Variants in ADCY5 observed in about 807,000 individuals in gnomAD.
ADCY5 encodes the protein adenylate cyclase type 5.
Under a neutral mutation model 119.7 loss-of-function variants are expected in ADCY5, and 30 were observed. That is an observed-to-expected ratio of 0.25 (90% CI 0.19 to 0.34). ADCY5 has a LOEUF of 0.34. ADCY5 is among the 10% of genes least tolerant of loss of function. The probability of loss-of-function intolerance (pLI) is 1.00; values close to 1 mark genes in which losing one functional copy is unlikely to be tolerated. For missense variants in ADCY5, 1,324 were observed against 1,775.2 expected (o/e 0.75, Z 4.57); for synonymous variants, 753 against 762.2 (o/e 0.99, Z 0.20).
At chr3:123,412,914 C>T (rs1444919739) in intron 1 of ADCY5, among the ~76,000 whole-genome samples, 2 of 152,152 alleles carry the variant, frequency 1.3e-5, no homozygotes, top group South Asian at 2.1e-4. Flanking sequence ...CTGGTGACGG[C>T]GTCCCTCTCC....
At chr3:123,303,833 A>G (rs924864406) in intron 13 of ADCY5, among the ~76,000 whole-genome samples, 43 of 114,880 alleles carry the variant, frequency 3.7e-4, no homozygotes, top group Non-Finnish European at 8.0e-4. Flanking sequence ...TCAAAACTGG[A>G]AAGAAAAGAG....
chr3:123,340,740 C>T (rs1378345850), intron 3 of ADCY5, among the ~76,000 whole-genome samples: 1 of 152,170 alleles, frequency 6.6e-6, no homozygotes, highest in Non-Finnish European at 1.5e-5. Context: ...GGTGCAGCCC[C>T]TCTGGAAAAC....
intron 2 of ADCY5, among the ~76,000 whole-genome samples, chr3:123,349,340 G>A (rs1463039270): frequency 6.6e-6 from 1 of 152,158 alleles, no homozygotes; most frequent in Non-Finnish European, 1.5e-5. Flanking sequence ...CTCAGCCGCA[G>A]GACCTGTCCA....
At chr3:123,379,681 G>A (rs1325872359) in intron 1 of ADCY5, among the ~76,000 whole-genome samples, 4 of 151,934 alleles carry the variant, frequency 2.6e-5, no homozygotes, top group Non-Finnish European at 5.9e-5. Context: ...GAGCGGGGGT[G>A]GGTGTGTGGG....
At chr3:123,395,056 C>A (rs998115150) in intron 1 of ADCY5, among the ~76,000 whole-genome samples, 1 of 152,196 alleles carries the variant, frequency 6.6e-6, no homozygotes, top group Non-Finnish European at 1.5e-5. Flanking sequence ...ACAGTCCCCA[C>A]TTTTGGTGGG....
intron 1 of ADCY5, among the ~76,000 whole-genome samples, chr3:123,375,951 G>C (rs1943818024): frequency 7.0e-6 from 1 of 142,832 alleles, no homozygotes; most frequent in Admixed American, 7.2e-5. Context: ...AGCCTTTGGA[G>C]CATGGCGGGA....
chr3:123,393,508 G>A (rs1040424889), intron 1 of ADCY5, among the ~76,000 whole-genome samples: 15 of 151,946 alleles, frequency 9.9e-5, no homozygotes, highest in African/African-American at 3.6e-4. Context: ...AGTAAGCTAT[G>A]ACTGTGCCAC....
chr3:123,393,564 TTAAAATAAAA>T lies in ADCY5; in HGVS notation c.1135-40993_1135-40984del, dbSNP rs58733977. Among the ~76,000 whole-genome samples, 182 of 143,526 alleles carry T rather than the reference TTAAAATAAAA, an allele frequency of 1.3e-3. 1 individual carries two copies. Among genetic ancestry groups the T allele is most frequent in the Middle Eastern group, 3.4e-3 (1 of 292 alleles). 94.2% of individuals were successfully genotyped at this position (143,526 alleles called of 152,430 possible). A position where few individuals can be genotyped will look rare whatever the true frequency, so the allele number is the denominator to read the frequency against. On this transcript the variant is annotated intron_variant, in intron 1 of 20. Coordinates refer to ENST00000462833, the MANE Select transcript of ADCY5 (RefSeq NM_183357.3). Reference sequence around the variant, plus strand: ...AGAGTGAGACCCTGTTTCTAAAAAATTAAAATAAAATAAAATAAAATAAAATAAAATAAAA... The same window carrying T: ...AGAGTGAGACCCTGTTTCTAAAAAATTAAAATAAAATAAAATAAAATAAAA...
chr3:123,416,132 C>G, intron 1 of ADCY5: 1 of 1,531,732 alleles, frequency 6.5e-7, no homozygotes, highest in South Asian at 1.2e-5. Flanking sequence ...GAAGGAGAAT[C>G]AGCAGAAAGG....
intron 12 of ADCY5, among the ~76,000 whole-genome samples, chr3:123,311,408 G>A (rs1940570710): frequency 6.6e-6 from 1 of 152,222 alleles, no homozygotes; most frequent in South Asian, 2.1e-4. Context: ...GGAAGAAGGG[G>A]TACTGTTCCC....
At chr3:123,441,854 C>T (rs894631034) in intron 1 of ADCY5, among the ~76,000 whole-genome samples, 1 of 152,026 alleles carries the variant, frequency 6.6e-6, no homozygotes, top group Non-Finnish European at 1.5e-5. Context: ...CCTTTTCTAA[C>T]AGCCATCCCA....
intron 1 of ADCY5, among the ~76,000 whole-genome samples, chr3:123,383,912 TTCC>T (rs1250603380): frequency 8.9e-5 from 12 of 134,850 alleles, no homozygotes; most frequent in African/African-American, 1.5e-4. Flanking sequence ...ACACACACCC[TTCC>T]TCAAGGCATG....
At chr3:123,310,244 C>CT (rs975687499) in intron 12 of ADCY5, among the ~76,000 whole-genome samples, 7 of 151,966 alleles carry the variant, frequency 4.6e-5, no homozygotes, top group Admixed American at 4.6e-4. Flanking sequence ...ACAGTAAGGG[C>CT]TGAGGCACCT....
chr3:123,412,564 G>C (rs781287666), intron 1 of ADCY5, among the ~76,000 whole-genome samples: 4 of 152,106 alleles, frequency 2.6e-5, no homozygotes, highest in African/African-American at 2.4e-5. Context: ...GATAGAGCTC[G>C]GAAAGGCTAA....
chr3:123,316,595 AG>A (rs1940922058), intron 11 of ADCY5, among the ~76,000 whole-genome samples: 1 of 152,270 alleles, frequency 6.6e-6, no homozygotes, highest in African/African-American at 2.4e-5. Context: ...GAAAAACAGA[AG>A]GTACTGGCTT....
At chr3:123,380,770 G>A (rs187554836) in intron 1 of ADCY5, among the ~76,000 whole-genome samples, 1 of 152,354 alleles carries the variant, frequency 6.6e-6, no homozygotes, top group Admixed American at 6.5e-5. Flanking sequence ...AGTGCTAACT[G>A]TGCTCAATAA....
intron 1 of ADCY5, among the ~76,000 whole-genome samples, chr3:123,407,907 G>A (rs1944943253): frequency 6.6e-6 from 1 of 151,758 alleles, no homozygotes; most frequent in Non-Finnish European, 1.5e-5. Flanking sequence ...GCTGAGGGGA[G>A]GAGGAAATTC....
chr3:123,417,947 G>A (rs1050575758), intron 1 of ADCY5, among the ~76,000 whole-genome samples: 6 of 152,198 alleles, frequency 3.9e-5, no homozygotes, highest in African/African-American at 7.2e-5. Flanking sequence ...CCAACAGAGC[G>A]AGACTCTGGA....
rs78334039 is a variant in ADCY5, at chr3:123,417,382, C to T, written c.1134+30030G>A. The stretch of plus-strand genomic sequence containing the variant: ...TGGGGCAGTGAGGGAGATAACGGCC[C>T]GCTGGCCAGTGAGCCCTCTTCCCCT... On this transcript the variant is annotated intron_variant, in intron 1 of 20. Coordinates refer to ENST00000462833, the MANE Select transcript of ADCY5 (RefSeq NM_183357.3). Among the ~76,000 whole-genome samples, 1,229 of 152,334 alleles carry T rather than the reference C, an allele frequency of 8.1e-3. 23 individuals carry two copies. The highest frequency in any genetic ancestry group is 0.028 in the African/African-American group (1,174 of 41,580).
Sources: allele counts gnomAD v4.1 joint callset (sites outside exome capture counted in the v4.1 genomes callset), GRCh38; gene constraint gnomAD v4.1.1; transcripts MANE v1.5; gene names NCBI Gene and HGNC (gene_info 2026-07-23, HGNC 2026-07-21).